Variants in CSMD1 observed in about 807,000 individuals in gnomAD.
The protein encoded by CSMD1 is CUB and sushi domain-containing protein 1.
Under a neutral mutation model 417.5 loss-of-function variants are expected in CSMD1, and 213 were observed. The observed-to-expected ratio is 0.51, with a 90% CI of 0.46 to 0.57. The LOEUF (loss-of-function observed/expected upper bound fraction) is 0.57. Ranked by LOEUF, CSMD1 falls within the 20% of genes least tolerant of loss-of-function variation. The probability of loss-of-function intolerance (pLI) is 0.00; values close to 1 mark genes in which losing one functional copy is unlikely to be tolerated. For synonymous variants in CSMD1, 2,862 were observed against 1,736.8 expected, an observed-to-expected ratio of 1.65 and a Z score of -16.11; for missense variants, 6,923 against 4,529.7, an observed-to-expected ratio of 1.53 and a Z score of -15.17.
intron 12 of CSMD1, among the ~76,000 whole-genome samples, chr8:3,424,297 A>C (rs1465766939): frequency 1.3e-5 from 2 of 152,196 alleles, no homozygotes; most frequent in Non-Finnish European, 2.9e-5. Context: ...TGCCTAGTTT[A>C]GTCTATTAAT....
intron 7 of CSMD1, among the ~76,000 whole-genome samples, chr8:3,644,755 T>C (rs80050297): frequency 2.6e-4 from 40 of 152,068 alleles, no homozygotes; most frequent in African/African-American, 9.2e-4. Flanking sequence ...GCAGACAGAA[T>C]TGCAGAATCA....
rs867638173 is a variant in CSMD1 at position 3,262,226 on chromosome 8, T to A, written c.4153+21918A>T. Among the ~76,000 whole-genome samples, 2 of 112,322 alleles carry A rather than the reference T, an allele frequency of 1.8e-5. 1 individual carries two copies. Among genetic ancestry groups the A allele is most frequent in the African/African-American group, 7.3e-5 (2 of 27,268 alleles). The allele number at this position is 112,322 out of a possible 152,430, so 73.7% of individuals were successfully genotyped here. A position where few individuals can be genotyped will look rare whatever the true frequency, so the allele number is the denominator to read the frequency against. On this transcript the variant is annotated intron_variant, in intron 26 of 69. Transcript: ENST00000635120. ...ATATATATATATATATATATATATA[T>A]ATATACACACACATAGTTAATTTCA...
chr8:3,495,420 C>A (rs143149526), intron 10 of CSMD1, among the ~76,000 whole-genome samples: 1 of 152,052 alleles, frequency 6.6e-6, no homozygotes, highest in Non-Finnish European at 1.5e-5. Context: ...ATAGGGGTCA[C>A]ACTATATGAA....
chr8:4,818,526 ATAT>A (rs1310228377), intron 1 of CSMD1, among the ~76,000 whole-genome samples: 74 of 152,344 alleles, frequency 4.9e-4, no homozygotes, highest in African/African-American at 1.5e-3. Context: ...ATTAAGAATA[ATAT>A]TATATAGGCA....
chr8:3,271,116 C>T (rs1273772072), intron 26 of CSMD1, among the ~76,000 whole-genome samples: 1 of 130,096 alleles, frequency 7.7e-6, no homozygotes, highest in Non-Finnish European at 1.6e-5. Context: ...GTGTGATGTT[C>T]CCCTTCCTGT....
At chr8:3,261,417 C>T (rs142511463) in intron 26 of CSMD1, among the ~76,000 whole-genome samples, 117 of 152,246 alleles carry the variant, frequency 7.7e-4, no homozygotes, top group African/African-American at 2.5e-3. Context: ...GCAGTATATA[C>T]GGCTTGGGTG....
At position 4,137,567 on chromosome 8, in the gene CSMD1, G is replaced by T. The variant is rs763885093; in HGVS notation, c.416-105468C>A. Among the ~76,000 whole-genome samples the T allele has an allele frequency of 3.0e-5, 4 of 131,354 alleles. 1 individual carries two copies. Among genetic ancestry groups the T allele is most frequent in the Non-Finnish European group, 5.3e-5 (3 of 56,558 alleles). The allele number at this position is 131,354 out of a possible 152,430, so 86.2% of individuals were successfully genotyped here. A position where few individuals can be genotyped will look rare whatever the true frequency, so the allele number is the denominator to read the frequency against. ...ATTATGTTTTCTTTGATGGTTACAA[G>T]ATTTGATGTTAATGGAACTGGTTGG... On this transcript the variant is annotated intron_variant, in intron 3 of 69. Transcript: ENST00000635120.
intron 3 of CSMD1, among the ~76,000 whole-genome samples, chr8:4,126,856 G>T (rs1437520290): frequency 6.6e-6 from 1 of 152,108 alleles, no homozygotes; most frequent in Non-Finnish European, 1.5e-5. Flanking sequence ...TGTTGGCAAA[G>T]ATCAGTCCCA....
At chr8:4,435,050 T>G (rs1254920756) in intron 2 of CSMD1, among the ~76,000 whole-genome samples, 1 of 152,168 alleles carries the variant, frequency 6.6e-6, no homozygotes, top group Non-Finnish European at 1.5e-5. Flanking sequence ...ATGTCTAATA[T>G]AGTTTGTGTG....
intron 12 of CSMD1, among the ~76,000 whole-genome samples, chr8:3,428,729 G>C (rs1022530597): frequency 6.6e-6 from 1 of 152,102 alleles, no homozygotes; most frequent in Non-Finnish European, 1.5e-5. Context: ...AATGAAATCA[G>C]TACATGGAAG....
intron 1 of CSMD1, among the ~76,000 whole-genome samples, chr8:4,737,622 A>G (rs1448057998): frequency 1.3e-5 from 2 of 152,208 alleles, no homozygotes; most frequent in Non-Finnish European, 2.9e-5. Context: ...ACTATATTTT[A>G]CACATTTTTT....
intron 5 of CSMD1, among the ~76,000 whole-genome samples, chr8:3,869,346 C>T (rs762745640): frequency 6.6e-6 from 1 of 152,136 alleles, no homozygotes; most frequent in Non-Finnish European, 1.5e-5. Context: ...TATACTATAT[C>T]CTGTATAATA....
rs558649762 is a variant in CSMD1 at position 4,637,702 on chromosome 8, C to T, written c.86-144G>A. The T allele has an allele frequency of 6.6e-4, 361 of 548,558 alleles. 2 individuals are homozygous for T. The highest frequency in any genetic ancestry group is 1.6e-3 in the Middle Eastern group (3 of 1,930). The allele number at this position is 548,558 out of a possible 1,614,324, so 34.0% of individuals were successfully genotyped here. A position where few individuals can be genotyped will look rare whatever the true frequency, so the allele number is the denominator to read the frequency against. ...TTTTTGAGACGGAGTCTCGCTCTGT[C>T]GCCCAGGCCGGACTGCGGACTGCAG... On this transcript the variant is annotated intron_variant, in intron 1 of 69. Coordinates refer to ENST00000635120, the MANE Select transcript of CSMD1 (RefSeq NM_033225.6).
At chr8:3,866,809 T>C (rs1805136617) in intron 5 of CSMD1, among the ~76,000 whole-genome samples, 1 of 152,166 alleles carries the variant, frequency 6.6e-6, no homozygotes, top group Non-Finnish European at 1.5e-5. Flanking sequence ...AAATCCTTAA[T>C]ATGAAGGACT....
At chr8:4,615,759 C>T (rs796643087) in intron 2 of CSMD1, among the ~76,000 whole-genome samples, 16 of 152,284 alleles carry the variant, frequency 1.1e-4, no homozygotes, top group African/African-American at 3.6e-4. Flanking sequence ...AATGGAACTA[C>T]ATTTCAATTA....
intron 5 of CSMD1, among the ~76,000 whole-genome samples, chr8:3,857,844 G>C (rs1054850853): frequency 1.1e-4 from 17 of 152,190 alleles, no homozygotes; most frequent in African/African-American, 3.6e-4. Flanking sequence ...AAAATACCTA[G>C]AGTTACCTTT....
chr8:4,552,750 G>A (rs148305423), intron 2 of CSMD1, among the ~76,000 whole-genome samples: 17 of 152,260 alleles, frequency 1.1e-4, no homozygotes, highest in African/African-American at 3.4e-4. Context: ...GATAGGCATC[G>A]TTTGAACAGT....
chr8:4,894,698 C>CTGTG (rs1199351387), intron 1 of CSMD1, among the ~76,000 whole-genome samples: 62,428 of 149,786 alleles, frequency 0.42, 13,121 homozygotes, highest in East Asian at 0.6. Context: ...ATCTGAAAGA[C>CTGTG]TGTGTGTGTG....
chr8:4,624,244 C>G (rs1411580258), intron 2 of CSMD1, among the ~76,000 whole-genome samples: 1 of 152,102 alleles, frequency 6.6e-6, no homozygotes, highest in African/African-American at 2.4e-5. Flanking sequence ...AAGTACACTT[C>G]CGGTAGATCA....
Sources: allele counts gnomAD v4.1 joint callset (sites outside exome capture counted in the v4.1 genomes callset), GRCh38; gene constraint gnomAD v4.1.1; transcripts MANE v1.5; gene names NCBI Gene and HGNC (gene_info 2026-07-23, HGNC 2026-07-21).